The following AGBL1 variants were observed in gnomAD, a reference collection of about 807,000 sequenced individuals.
The protein encoded by AGBL1 is AGBL carboxypeptidase 1.
AGBL1 carries 130 observed loss-of-function variants against 118.9 expected under a neutral mutation model. That is an observed-to-expected ratio of 1.09 (90% CI 0.95 to 1.26). The LOEUF (loss-of-function observed/expected upper bound fraction) is 1.26. Ranked by LOEUF, AGBL1 falls within the 50% of genes most tolerant of loss-of-function variation. The probability of loss-of-function intolerance (pLI) is 0.00; values close to 1 mark genes in which losing one functional copy is unlikely to be tolerated. For synonymous variants in AGBL1, 555 were observed against 478.9 expected, an observed-to-expected ratio of 1.16 and a Z score of -2.08; for missense variants, 1,584 against 1,298.1, an observed-to-expected ratio of 1.22 and a Z score of -3.38.
At chr15:86,980,324 A>G (rs2081218318) in intron 23 of AGBL1, among the ~76,000 whole-genome samples, 1 of 152,186 alleles carries the variant, frequency 6.6e-6, no homozygotes, top group Non-Finnish European at 1.5e-5. Flanking sequence ...TTTAAACTAT[A>G]TTTAATGTTC....
At chr15:86,366,473 A>G (rs972597984) in intron 17 of AGBL1, among the ~76,000 whole-genome samples, 1 of 152,184 alleles carries the variant, frequency 6.6e-6, no homozygotes, top group African/African-American at 2.4e-5. Context: ...TTAATTGTCA[A>G]TGACTCAAGT....
chr15:86,339,570 T>A (rs1419246673), intron 17 of AGBL1, among the ~76,000 whole-genome samples: 1 of 152,230 alleles, frequency 6.6e-6, no homozygotes, highest in Non-Finnish European at 1.5e-5. Context: ...AGGTAATTTT[T>A]ATTGCTCTAT....
At chr15:86,598,793 T>C (rs1402027353) in intron 21 of AGBL1, among the ~76,000 whole-genome samples, 1 of 152,162 alleles carries the variant, frequency 6.6e-6, no homozygotes, top group South Asian at 2.1e-4. Flanking sequence ...TATTTAAATA[T>C]AGAAATGCAA....
At chr15:86,210,227 T>G (rs1160160080) in intron 5 of AGBL1, among the ~76,000 whole-genome samples, 1 of 152,230 alleles carries the variant, frequency 6.6e-6, no homozygotes, top group Non-Finnish European at 1.5e-5. Context: ...ACTTGACCTT[T>G]CTCTCTGGCT....
intron 18 of AGBL1, among the ~76,000 whole-genome samples, chr15:86,500,706 G>A (rs1031700155): frequency 4.0e-5 from 6 of 151,464 alleles, no homozygotes; most frequent in African/African-American, 9.7e-5. Flanking sequence ...CCATGTCTAC[G>A]GATTTTTCTA....
intron 17 of AGBL1, chr15:86,304,926 G>C (rs1198415167): frequency 6.6e-6 from 1 of 152,186 alleles, no homozygotes; most frequent in Non-Finnish European, 1.5e-5. Flanking sequence ...AGTGGTATGA[G>C]TCTCCTCACG....
chr15:86,715,597 C>T (rs895015705), intron 22 of AGBL1, among the ~76,000 whole-genome samples: 5 of 152,128 alleles, frequency 3.3e-5, no homozygotes, highest in African/African-American at 1.2e-4. Context: ...AGCTTATTCT[C>T]TGAAATTTTT....
chr15:86,599,933 A>T (rs961803458), intron 21 of AGBL1, among the ~76,000 whole-genome samples: 1 of 151,862 alleles, frequency 6.6e-6, no homozygotes, highest in African/African-American at 2.4e-5. Flanking sequence ...AATAATAAAA[A>T]CCCCCATATT....
At chr15:86,179,613 A>G (rs552617656) in intron 5 of AGBL1, among the ~76,000 whole-genome samples, 1 of 152,194 alleles carries the variant, frequency 6.6e-6, no homozygotes, top group South Asian at 2.1e-4. Flanking sequence ...CATGGTTAAA[A>G]GACTGAATGC....
rs150983688 is a variant in AGBL1 at position 86,386,459 on chromosome 15, A to G, written c.2375-10907A>G. ...TTTTCTGGGAGAGGGGTTGGCTTTG[A>G]CTGTGGTATGGAAAATTATATGGAA... On this transcript the variant is annotated intron_variant, in intron 17 of 22. Coordinates refer to ENST00000614907, the MANE Select transcript of AGBL1 (RefSeq NM_001386094.1). 5.6e-3 allele frequency among the ~76,000 whole-genome samples: 846 copies of G among 150,332 alleles called. 7 individuals are homozygous for G. Among genetic ancestry groups the G allele is most frequent in the African/African-American group, 0.018 (726 of 40,762 alleles).
chr15:86,490,901 C>G (rs184463215), intron 18 of AGBL1, among the ~76,000 whole-genome samples: 13 of 152,266 alleles, frequency 8.5e-5, no homozygotes, highest in Admixed American at 7.2e-4. Context: ...GCTTCAGTCT[C>G]TTCCTCTAGG....
intron 21 of AGBL1, among the ~76,000 whole-genome samples, chr15:86,646,659 G>C (rs536081562): frequency 1.3e-5 from 2 of 152,104 alleles, no homozygotes; most frequent in South Asian, 2.1e-4. Context: ...TTTTCCCACA[G>C]AATACTGTAT....
chr15:86,949,008 T>G (rs2080852756), intron 23 of AGBL1, among the ~76,000 whole-genome samples: 2 of 152,152 alleles, frequency 1.3e-5, no homozygotes, highest in Admixed American at 1.3e-4. Context: ...AGGAACTGTG[T>G]GGTCCATACA....
rs369752163 is a variant in AGBL1, at chr15:86,522,962, C to T, written c.2685+23C>T. 15 of 1,610,912 alleles carry T rather than the reference C, an allele frequency of 9.3e-6. No homozygotes were observed. In the African/African-American group the frequency reaches 1.1e-4, roughly 11 times the overall value. ...GTGGTGAGTCACTTCCTTCTGCCTC[C>T]ACCTTCCTGGCTGCTTCCTTCTACC... On this transcript the variant is annotated intron_variant, in intron 19 of 22. Transcript: ENST00000614907.
At chr15:86,721,894 C>G (rs946198011) in intron 22 of AGBL1, among the ~76,000 whole-genome samples, 7 of 151,986 alleles carry the variant, frequency 4.6e-5, no homozygotes, top group African/African-American at 1.7e-4. Context: ...CATGAGTGAC[C>G]TCCCATTCAC....
intron 23 of AGBL1, among the ~76,000 whole-genome samples, chr15:86,929,905 G>T (rs1445308788): frequency 6.6e-6 from 1 of 152,158 alleles, no homozygotes; most frequent in African/African-American, 2.4e-5. Context: ...CTTCATGGAG[G>T]TTGCCTACCT....
At chr15:86,408,460 T>C (rs1438968950) in intron 18 of AGBL1, among the ~76,000 whole-genome samples, 1 of 152,216 alleles carries the variant, frequency 6.6e-6, no homozygotes, top group Non-Finnish European at 1.5e-5. Flanking sequence ...CAGTCATCTG[T>C]TCCTTCCACA....
At chr15:86,344,996 T>G (rs939027257) in intron 17 of AGBL1, among the ~76,000 whole-genome samples, 3 of 152,134 alleles carry the variant, frequency 2.0e-5, no homozygotes, top group Non-Finnish European at 4.4e-5. Flanking sequence ...AATTATTTAA[T>G]CAATCTATTC....
intron 18 of AGBL1, among the ~76,000 whole-genome samples, chr15:86,521,930 T>C (rs1252184720): frequency 6.6e-6 from 1 of 152,084 alleles, no homozygotes; most frequent in Non-Finnish European, 1.5e-5. Flanking sequence ...TCATTGACCC[T>C]ACTGAGTAAA....
Sources: allele counts gnomAD v4.1 joint callset (sites outside exome capture counted in the v4.1 genomes callset), GRCh38; gene constraint gnomAD v4.1.1; transcripts MANE v1.5; gene names NCBI Gene and HGNC (gene_info 2026-07-23, HGNC 2026-07-21).